The following IGF1R variants were observed in gnomAD, a reference collection of about 807,000 sequenced individuals.
The protein encoded by IGF1R is insulin like growth factor 1 receptor.
In IGF1R, 44 loss-of-function variants were observed where a neutral mutation model predicts 144.6. The observed-to-expected ratio is 0.30, with a 90% CI of 0.24 to 0.39. IGF1R has a LOEUF of 0.39. Ranked by LOEUF, IGF1R falls within the 10% of genes least tolerant of loss-of-function variation. The pLI, the probability that IGF1R is intolerant of heterozygous loss-of-function variation, is 1.00. For synonymous variants in IGF1R, 795 were observed against 722.8 expected (o/e 1.10, Z -1.60); for missense variants, 1,355 against 1,833.7 (o/e 0.74, Z 4.77).
intron 2 of IGF1R, among the ~76,000 whole-genome samples, chr15:98,778,525 C>A (rs1343751757): frequency 2.6e-5 from 4 of 152,228 alleles, no homozygotes; most frequent in Non-Finnish European, 4.4e-5. Flanking sequence ...GGCTCTCTAG[C>A]TCTTTGTCAC....
At chr15:98,851,471 C>T (rs538789717) in intron 2 of IGF1R, among the ~76,000 whole-genome samples, 32 of 152,344 alleles carry the variant, frequency 2.1e-4, no homozygotes, top group African/African-American at 7.5e-4. Context: ...CTCCTGTGTC[C>T]AGCCTCCCCC....
intron 2 of IGF1R, among the ~76,000 whole-genome samples, chr15:98,830,853 C>T (rs767837321): frequency 5.3e-5 from 8 of 152,164 alleles, no homozygotes; most frequent in Non-Finnish European, 1.0e-4. Context: ...ATCCCCCCAC[C>T]CTGGCTTCCC....
At chr15:98,848,165 C>T (rs1257102107) in intron 2 of IGF1R, among the ~76,000 whole-genome samples, 3 of 152,150 alleles carry the variant, frequency 2.0e-5, no homozygotes, top group Non-Finnish European at 4.4e-5. Flanking sequence ...TCCAGTATTT[C>T]AAGTTGGAAC....
intron 3 of IGF1R, among the ~76,000 whole-genome samples, chr15:98,895,758 T>G (rs1005254283): frequency 6.6e-6 from 1 of 152,260 alleles, no homozygotes; most frequent in Non-Finnish European, 1.5e-5. Flanking sequence ...AGCTATAATT[T>G]ACATTGTTTT....
At chr15:98,775,234 C>T (rs1349949148) in intron 2 of IGF1R, among the ~76,000 whole-genome samples, 1 of 152,174 alleles carries the variant, frequency 6.6e-6, no homozygotes, top group African/African-American at 2.4e-5. Flanking sequence ...GTTCCCCCCA[C>T]CTCCACATGG....
intron 2 of IGF1R, among the ~76,000 whole-genome samples, chr15:98,765,476 T>A (rs1266654965): frequency 6.6e-6 from 1 of 151,252 alleles, no homozygotes; most frequent in African/African-American, 2.4e-5. Flanking sequence ...ACCTGGCTAA[T>A]TTTTTTTTCT....
chr15:98,947,942 C>T, intron 19 of IGF1R, among the ~76,000 whole-genome samples: 1 of 152,172 alleles, frequency 6.6e-6, no homozygotes, highest in East Asian at 1.9e-4. Flanking sequence ...ATCTTCTAAA[C>T]ATTCCAGGTC....
chr15:98,847,141 T>G (rs1006857556), intron 2 of IGF1R, among the ~76,000 whole-genome samples: 1 of 152,148 alleles, frequency 6.6e-6, no homozygotes, highest in African/African-American at 2.4e-5. Flanking sequence ...CATGCCTGGC[T>G]ATTATTTGCA....
chr15:98,670,694 C>G (rs2052865828), intron 1 of IGF1R, among the ~76,000 whole-genome samples: 1 of 152,178 alleles, frequency 6.6e-6, no homozygotes, highest in Non-Finnish European at 1.5e-5. Flanking sequence ...TGCTTTTGCA[C>G]ATTGCAGTTA....
chr15:98,673,888 C>G lies in IGF1R; in HGVS notation c.94+24213C>G, dbSNP rs1025921547. Among the ~76,000 whole-genome samples, 3 of 152,198 alleles carry G rather than the reference C, an allele frequency of 2.0e-5. No homozygotes were observed. In the East Asian group the frequency reaches 5.8e-4, roughly 29 times the overall value. ...CATCTTTTTCCCTGTTCCTTTTTCT[C>G]CTCATCCAGTGAACTTTCCACTGTG... On this transcript the variant is annotated intron_variant, in intron 1 of 20. Coordinates refer to ENST00000650285, the MANE Select transcript of IGF1R (RefSeq NM_000875.5).
chr15:98,811,698 G>A (rs983470362), intron 2 of IGF1R, among the ~76,000 whole-genome samples: 21 of 151,990 alleles, frequency 1.4e-4, no homozygotes, highest in Middle Eastern at 3.4e-3. Flanking sequence ...AGGCCGAGGC[G>A]GGCGGATCAC....
At chr15:98,793,721 C>A (rs2056177395) in intron 2 of IGF1R, among the ~76,000 whole-genome samples, 1 of 152,140 alleles carries the variant, frequency 6.6e-6, no homozygotes, top group Non-Finnish European at 1.5e-5. Flanking sequence ...TGCCTCAAAT[C>A]CCTTTCACTG....
At position 98,935,531 on chromosome 15, in the gene IGF1R, C is replaced by T. The variant is rs2016109591; in HGVS notation, c.3297+105C>T. 1.3e-6 allele frequency: 1 copy of T among 773,074 alleles called. No individual in the cohort carries two copies. The highest frequency in any genetic ancestry group is 2.2e-4 in the Middle Eastern group (1 of 4,524). The allele number at this position is 773,074 out of a possible 1,614,324, so 47.9% of individuals were successfully genotyped here. On this transcript the variant is annotated intron_variant, in intron 17 of 20. Coordinates refer to ENST00000650285, the MANE Select transcript of IGF1R (RefSeq NM_000875.5). This position sits in a 1 kb window ranked among gnomAD's most constrained non-coding sequence, Gnocchi z 4.2. ...TGTGTCTTTAAATCAGTTTACTTTCCAGCATCCAGTGTTTCTTACTGCATG... is the reference window on the plus strand; with the variant it reads ...TGTGTCTTTAAATCAGTTTACTTTCTAGCATCCAGTGTTTCTTACTGCATG...
At position 98,963,763 on chromosome 15, in the gene IGF1R, A is replaced by G. The variant is rs1335456108; in HGVS notation, c.*6321A>G. Reference sequence around the variant, plus strand: ...GAAGAGACCCTATTTTATTTAAGGCAGAACCCCGAAGATACGTATTTCCAA... The same window carrying G: ...GAAGAGACCCTATTTTATTTAAGGCGGAACCCCGAAGATACGTATTTCCAA... On this transcript the variant is annotated 3_prime_UTR_variant, in exon 21 of 21. Transcript: ENST00000650285. The G allele has an allele frequency of 4.3e-6, 1 of 233,084 alleles. No individual in the cohort carries two copies. The highest frequency in any genetic ancestry group is 5.6e-5 in the Admixed American group (1 of 17,784). The allele number at this position is 233,084 out of a possible 1,614,324, so 14.4% of individuals were successfully genotyped here.
rs143994522 is a variant in IGF1R at position 98,717,342 on chromosome 15, T to TC, written c.640+9235_640+9236insC. On this transcript the variant is annotated intron_variant, in intron 2 of 20. Transcript: ENST00000650285. ...ATGGTGGCAGCTGCTGCTATTTTTT[T>TC]TTTAAATTAAACTATCTAAGAGTTG... Among the ~76,000 whole-genome samples, 4 of 151,994 alleles carry TC rather than the reference T, an allele frequency of 2.6e-5. No individual in the cohort carries two copies. The East Asian group carries it at 5.8e-4, about 22-fold the overall frequency.
chr15:98,756,605 A>G (rs1352104550), intron 2 of IGF1R, among the ~76,000 whole-genome samples: 1 of 152,032 alleles, frequency 6.6e-6, no homozygotes, highest in Non-Finnish European at 1.5e-5. Context: ...AAAACTAGGT[A>G]TATTAATTTT....
intron 2 of IGF1R, among the ~76,000 whole-genome samples, chr15:98,768,845 G>A (rs1383245586): frequency 2.0e-5 from 3 of 149,436 alleles, no homozygotes; most frequent in Non-Finnish European, 3.0e-5. Context: ...GGAGAATGGC[G>A]TGAGCCCAGG....
chr15:98,717,071 C>G (rs1446462538), intron 2 of IGF1R, among the ~76,000 whole-genome samples: 1 of 152,196 alleles, frequency 6.6e-6, no homozygotes, highest in Non-Finnish European at 1.5e-5. Flanking sequence ...ACAGCGAGAT[C>G]TGCAAGAATA....
intron 1 of IGF1R, among the ~76,000 whole-genome samples, chr15:98,686,380 A>G (rs1162031768): frequency 6.6e-6 from 1 of 152,240 alleles, no homozygotes; most frequent in Non-Finnish European, 1.5e-5. Flanking sequence ...GACTGTGATC[A>G]TGGATATGCA....
Sources: allele counts gnomAD v4.1 joint callset (sites outside exome capture counted in the v4.1 genomes callset), GRCh38; gene constraint gnomAD v4.1.1; non-coding constraint Gnocchi (gnomAD v3.1); transcripts MANE v1.5; gene names NCBI Gene and HGNC (gene_info 2026-07-23, HGNC 2026-07-21).